KIAA1958: variants seen among roughly 807,000 people sequenced by gnomAD.
The protein encoded by KIAA1958 is KIAA1958.
Under a neutral mutation model 47.2 loss-of-function variants are expected in KIAA1958, and 14 were observed. The ratio of observed to expected loss-of-function variants is 0.30; its 90% CI spans 0.20 to 0.46. The LOEUF (loss-of-function observed/expected upper bound fraction) is 0.46. Ranked by LOEUF, KIAA1958 falls within the 20% of genes least tolerant of loss-of-function variation. The pLI, the probability that KIAA1958 is intolerant of heterozygous loss-of-function variation, is 1.00. For missense variants in KIAA1958, 803 were observed against 909.2 expected, an observed-to-expected ratio of 0.88 and a Z score of 1.50; for synonymous variants, 354 against 353.3, an observed-to-expected ratio of 1.00 and a Z score of -0.02.
chr9:112,571,567 G>A (rs1302075891), intron 1 of KIAA1958, among the ~76,000 whole-genome samples: 1 of 152,082 alleles, frequency 6.6e-6, no homozygotes, highest in Non-Finnish European at 1.5e-5. Flanking sequence ...TAACAAATTT[G>A]GACTCTCTGT....
At chr9:112,489,048 C>T (rs1833917739) in intron 1 of KIAA1958, among the ~76,000 whole-genome samples, 1 of 152,164 alleles carries the variant, frequency 6.6e-6, no homozygotes, top group Non-Finnish European at 1.5e-5. Context: ...AAATTCTGCA[C>T]AGAAGCACAG....
chr9:112,532,648 CA>C (rs1834770512), intron 1 of KIAA1958, among the ~76,000 whole-genome samples: 1 of 152,192 alleles, frequency 6.6e-6, no homozygotes, highest in Non-Finnish European at 1.5e-5. Context: ...ATTGCAACAT[CA>C]AAAACTGGGC....
chr9:112,606,785 G>A (rs1208194872), intron 2 of KIAA1958, among the ~76,000 whole-genome samples: 3 of 152,160 alleles, frequency 2.0e-5, no homozygotes, highest in East Asian at 1.9e-4. Context: ...AAAGCATTGT[G>A]ATTAGAAAGC....
intron 1 of KIAA1958, among the ~76,000 whole-genome samples, chr9:112,498,614 AT>A (rs1834083882): frequency 6.6e-6 from 1 of 151,954 alleles, no homozygotes; most frequent in African/African-American, 2.4e-5. Flanking sequence ...GAGTGGAGTG[AT>A]TTTTCCCCCT....
At chr9:112,631,512 T>C (rs1588047297) in intron 2 of KIAA1958, among the ~76,000 whole-genome samples, 2 of 103,768 alleles carry the variant, frequency 1.9e-5, no homozygotes, top group African/African-American at 3.9e-5. Context: ...GCCTGGGGAA[T>C]AGAGCAAGAG....
At chr9:112,559,589 C>T (rs1475805573) in intron 1 of KIAA1958, among the ~76,000 whole-genome samples, 3 of 152,164 alleles carry the variant, frequency 2.0e-5, no homozygotes, top group Non-Finnish European at 4.4e-5. Flanking sequence ...ACTTTGTTCT[C>T]TGAAATCTGG....
chr9:112,561,803 C>G (rs562835467), intron 1 of KIAA1958, among the ~76,000 whole-genome samples: 1 of 152,110 alleles, frequency 6.6e-6, no homozygotes, highest in Non-Finnish European at 1.5e-5. Context: ...TGCAGTGAGC[C>G]GAGATCGTGC....
At chr9:112,520,877 C>T (rs370750114) in intron 1 of KIAA1958, among the ~76,000 whole-genome samples, 7 of 152,152 alleles carry the variant, frequency 4.6e-5, no homozygotes, top group African/African-American at 1.4e-4. Flanking sequence ...ATCCCCAGCA[C>T]CTGGCATGCA....
At chr9:112,635,214 TTGTGTGTGTGTGTGTG>T (rs71999105) in intron 2 of KIAA1958, among the ~76,000 whole-genome samples, 1,922 of 130,430 alleles carry the variant, frequency 0.015, 19 homozygotes, top group South Asian at 0.031. Flanking sequence ...ATTCTTTATT[TTGTGTGTGTGTGTGTG>T]TGTGTGTGTG....
chr9:112,506,858 C>T (rs908280151), intron 1 of KIAA1958, among the ~76,000 whole-genome samples: 17 of 152,078 alleles, frequency 1.1e-4, no homozygotes, highest in Admixed American at 7.9e-4. Context: ...CTGAATAGAA[C>T]CTGAGATTGT....
At chr9:112,590,086 T>C (rs1471767606) in intron 2 of KIAA1958, among the ~76,000 whole-genome samples, 1 of 152,190 alleles carries the variant, frequency 6.6e-6, no homozygotes, top group Non-Finnish European at 1.5e-5. Flanking sequence ...CATACTGCCA[T>C]GTGTGGTCCC....
At chr9:112,621,566 T>C (rs147240303) in intron 2 of KIAA1958, among the ~76,000 whole-genome samples, 61 of 152,350 alleles carry the variant, frequency 4.0e-4, no homozygotes, top group African/African-American at 1.5e-3. Flanking sequence ...TTTGTCCTGC[T>C]TAATCATATT....
At chr9:112,568,594 A>G (rs1835470415) in intron 1 of KIAA1958, among the ~76,000 whole-genome samples, 1 of 152,134 alleles carries the variant, frequency 6.6e-6, no homozygotes, top group African/African-American at 2.4e-5. Flanking sequence ...TAAGATAAAT[A>G]GTGCTTGGCC....
At chr9:112,621,733 A>G (rs1298479807) in intron 2 of KIAA1958, among the ~76,000 whole-genome samples, 1 of 151,146 alleles carries the variant, frequency 6.6e-6, no homozygotes, top group African/African-American at 2.4e-5. Flanking sequence ...GCCAAATTAC[A>G]GTATCAGTCT....
At chr9:112,613,467 A>G (rs143062352) in intron 2 of KIAA1958, among the ~76,000 whole-genome samples, 1 of 152,348 alleles carries the variant, frequency 6.6e-6, no homozygotes, top group East Asian at 1.9e-4. Flanking sequence ...AGCATGAATC[A>G]TAAGGGAAAT....
At chr9:112,559,278 A>C (rs1030921301) in intron 1 of KIAA1958, among the ~76,000 whole-genome samples, 10 of 152,238 alleles carry the variant, frequency 6.6e-5, no homozygotes, top group Admixed American at 5.2e-4. Flanking sequence ...CACAGGGGTG[A>C]AGGAGAGCCT....
At chr9:112,523,199 A>C (rs1834581640) in intron 1 of KIAA1958, among the ~76,000 whole-genome samples, 1 of 152,188 alleles carries the variant, frequency 6.6e-6, no homozygotes, top group Non-Finnish European at 1.5e-5. Context: ...TAGGATGCTG[A>C]GATTTTTCAG....
rs139339321 is a variant in KIAA1958, at chr9:112,658,619, A to T, written c.1345-644A>T. Among the ~76,000 whole-genome samples the T allele has an allele frequency of 4.7e-3, 720 of 152,256 alleles. 8 individuals carry two copies. The highest frequency in any genetic ancestry group is 0.016 in the African/African-American group (667 of 41,534). ...CACGGTCCTCTGCTTTAAGCATTACAGCCTTGGAGAGGGTATTGATTATGA... is the reference window on the plus strand; with the variant it reads ...CACGGTCCTCTGCTTTAAGCATTACTGCCTTGGAGAGGGTATTGATTATGA... On this transcript the variant is annotated intron_variant, in intron 3 of 3. Coordinates refer to ENST00000337530, the MANE Select transcript of KIAA1958 (RefSeq NM_133465.4).
chr9:112,527,703 G>A (rs1287682692), intron 1 of KIAA1958, among the ~76,000 whole-genome samples: 1 of 152,150 alleles, frequency 6.6e-6, no homozygotes, highest in Non-Finnish European at 1.5e-5. Flanking sequence ...TTGGGAGACT[G>A]AGGCGGGCAG....
Sources: gnomAD v4.1 joint callset for allele counts (sites outside exome capture counted in the v4.1 genomes callset) on GRCh38, gnomAD v4.1.1 for gene constraint, MANE v1.5 for transcripts, NCBI Gene and HGNC (gene_info 2026-07-23, HGNC 2026-07-21) for gene names.